Variants in VPS37C observed in about 807,000 individuals in gnomAD.
VPS37C encodes VPS37C subunit of ESCRT-I.
Under a neutral mutation model 16.1 loss-of-function variants are expected in VPS37C, and 9 were observed. The observed-to-expected ratio is 0.56, with a 90% CI of 0.34 to 0.97. VPS37C has a LOEUF of 0.97. Ranked by LOEUF, VPS37C falls within the 50% of genes least tolerant of loss-of-function variation. The pLI, the probability that VPS37C is intolerant of heterozygous loss-of-function variation, is 0.02. For missense variants in VPS37C, 479 were observed against 472.7 expected, an observed-to-expected ratio of 1.01 and a Z score of -0.12; for synonymous variants, 207 against 206.4, an observed-to-expected ratio of 1.00 and a Z score of -0.02.
chr11:61,144,088 G>A (rs936147616), intron 1 of VPS37C: 1 of 151,168 alleles, frequency 6.6e-6, no homozygotes, highest in African/African-American at 2.4e-5. Flanking sequence ...TCCTGCCTCA[G>A]CCTCCCGAGT....
At chr11:61,138,085 C>A (rs947123853) in intron 2 of VPS37C, 6 of 152,328 alleles carry the variant, frequency 3.9e-5, no homozygotes, top group African/African-American at 1.4e-4. Context: ...GTATAGGAAG[C>A]GGGAGCTTCC....
At position 61,132,246 on chromosome 11, in the gene VPS37C, A is replaced by G. The variant is rs571198809; in HGVS notation, c.642T>C (p.Pro214=). 4.6e-6 allele frequency: 7 copies of G among 1,521,534 alleles called. No individual in the cohort carries two copies. The African/African-American group carries it at 8.3e-5, about 18-fold the overall frequency. 94.3% of individuals were successfully genotyped at this position (1,521,534 alleles called of 1,614,324 possible). Residue 214 remains proline, a synonymous_variant, in exon 5 of 5, where the codon CCT becomes CCC. Transcript: ENST00000301765. ...GGGCTCCATGGGCAGTGGGGCCCACAGGCAGGCTGGGGGATGGGCTGTAGG... is the reference window on the plus strand; with the variant it reads ...GGGCTCCATGGGCAGTGGGGCCCACGGGCAGGCTGGGGGATGGGCTGTAGG... ...PLPYSPSPSL[P]VGPTAHGALP... is the part of the protein sequence containing the mutation.
intron 1 of VPS37C, chr11:61,144,580 C>G (rs1433014054): frequency 6.6e-6 from 1 of 152,244 alleles, no homozygotes; most frequent in Admixed American, 6.5e-5. Context: ...GTGCACAAGA[C>G]AGGGGTCTTC....
At chr11:61,138,478 G>C in intron 2 of VPS37C, 1 of 454,396 alleles carries the variant, frequency 2.2e-6, no homozygotes, top group Non-Finnish European at 4.0e-6. Flanking sequence ...ATTTGGGCTG[G>C]AACGACAGTG....
At chr11:61,138,619 C>T in intron 2 of VPS37C, 118 bp downstream of exon 2, 1 of 888,664 alleles carries the variant, frequency 1.1e-6, no homozygotes, top group Non-Finnish European at 1.8e-6. Context: ...GGATGAAGTT[C>T]ACAGAAAAGG....
chr11:61,133,120 A>G (rs940413557), intron 4 of VPS37C, 135 bp downstream of exon 4: 10 of 957,038 alleles, frequency 1.0e-5, no homozygotes, highest in Non-Finnish European at 1.6e-5. Flanking sequence ...AGGACTAAAG[A>G]TGTCCTTCAC....
chr11:61,141,237 A>T (rs567042141), intron 1 of VPS37C, among the ~76,000 whole-genome samples: 91 of 152,130 alleles, frequency 6.0e-4, no homozygotes, highest in African/African-American at 2.1e-3. Context: ...GCGTGGTGGC[A>T]CACACTTGTA....
At chr11:61,149,704 G>A (rs574227727) in intron 1 of VPS37C, among the ~76,000 whole-genome samples, 1 of 152,168 alleles carries the variant, frequency 6.6e-6, no homozygotes, top group Non-Finnish European at 1.5e-5. Flanking sequence ...TACATAGGGG[G>A]AATGTACAAT....
chr11:61,146,042 AC>A (rs1365128394), intron 1 of VPS37C, among the ~76,000 whole-genome samples: 1 of 152,232 alleles, frequency 6.6e-6, no homozygotes, highest in African/African-American at 2.4e-5. Context: ...ATCTTCGTCA[AC>A]CCAAGCCCAG....
intron 1 of VPS37C, among the ~76,000 whole-genome samples, chr11:61,140,255 T>C (rs624374): frequency 0.57 from 86,790 of 151,814 alleles, 25,659 homozygotes; most frequent in East Asian, 0.99. Context: ...CAGGTCTCAG[T>C]TTCCCCATTT....
intron 2 of VPS37C, 92 bp from the exon 3 acceptor site, chr11:61,134,299 C>T: frequency 2.8e-6 from 4 of 1,414,802 alleles, no homozygotes; most frequent in Non-Finnish European, 3.8e-6. Flanking sequence ...ACACATTGCT[C>T]ACCTTGGGGC....
At chr11:61,134,926 C>T (rs1861338959) in intron 2 of VPS37C, among the ~76,000 whole-genome samples, 1 of 152,232 alleles carries the variant, frequency 6.6e-6, no homozygotes, top group African/African-American at 2.4e-5. Context: ...GGCACCCTTG[C>T]CAGCTGTTGT....
At chr11:61,147,052 T>C (rs1427775557) in intron 1 of VPS37C, among the ~76,000 whole-genome samples, 2 of 152,150 alleles carry the variant, frequency 1.3e-5, no homozygotes, top group African/African-American at 2.4e-5. Flanking sequence ...ATTTTTAAAT[T>C]TCAACTCAAA....
At position 61,131,371 on chromosome 11, in the gene VPS37C, G is replaced by A. The variant is rs1251498421; in HGVS notation, c.*449C>T. The A allele has an allele frequency of 1.3e-5, 2 of 158,800 alleles. No homozygotes were observed. Among genetic ancestry groups the A allele is most frequent in the African/African-American group, 4.8e-5 (2 of 41,730 alleles). The allele number at this position is 158,800 out of a possible 1,614,324, so 9.8% of individuals were successfully genotyped here. On this transcript the variant is annotated 3_prime_UTR_variant, in exon 5 of 5. Transcript: ENST00000301765. ...TGAATGGACTGGACAGACACCAACA[G>A]CTGCATCCCTTGGCATGGGGCTCCA...
intron 2 of VPS37C, among the ~76,000 whole-genome samples, chr11:61,137,845 C>T (rs1221133892): frequency 4.6e-5 from 7 of 152,118 alleles, no homozygotes; most frequent in Admixed American, 4.6e-4. Context: ...GAGCAGGCAG[C>T]AGGCAGCAAG....
At chr11:61,159,015 G>T (rs1467586732) in intron 1 of VPS37C, among the ~76,000 whole-genome samples, 2 of 152,274 alleles carry the variant, frequency 1.3e-5, no homozygotes, top group East Asian at 3.9e-4. Context: ...ACACAACAGA[G>T]ATCCAGCTGG....
Position 61,131,637 on chromosome 11 carries a change from G to T in VPS37C, c.*183C>A. 1.1e-6 allele frequency: 1 copy of T among 869,880 alleles called. No individual in the cohort carries two copies. Among genetic ancestry groups the T allele is most frequent in the Non-Finnish European group, 1.5e-6 (1 of 657,956 alleles). The allele number at this position is 869,880 out of a possible 1,614,324, so 53.9% of individuals were successfully genotyped here. The stretch of plus-strand genomic sequence containing the variant: ...TTCCAGGAGGACCTCTGGCCAGAAG[G>T]CCAGCAAGTGCCATGACCAGTCACA... On this transcript the variant is annotated 3_prime_UTR_variant, in exon 5 of 5. Coordinates refer to ENST00000301765, the MANE Select transcript of VPS37C (RefSeq NM_017966.5).
rs1307570431 is a variant in VPS37C, at chr11:61,131,791, T to C, written c.*29A>G. On this transcript the variant is annotated 3_prime_UTR_variant, in exon 5 of 5. Coordinates refer to ENST00000301765, the MANE Select transcript of VPS37C (RefSeq NM_017966.5). ...GCCAAAGGTTGAGCGTGGGTGGGAC[T>C]AGGGAGGGGCCGAGGGCCAGGAGTG... The C allele has an allele frequency of 3.2e-6, 4 of 1,245,100 alleles. No homozygotes were observed. Among genetic ancestry groups the C allele is most frequent in the Non-Finnish European group, 4.0e-6 (4 of 992,800 alleles). The allele number at this position is 1,245,100 out of a possible 1,614,324, so 77.1% of individuals were successfully genotyped here.
Position 61,134,173 on chromosome 11 carries a change from A to C in VPS37C, c.128T>G (p.Leu43Arg). Residue 43 changes from leucine to arginine, a missense_variant, in exon 3 of 5, where the codon CTG (leucine) becomes CGG (arginine). By Grantham distance (102) the Leu-to-Arg change is moderately radical. Coordinates refer to ENST00000301765, the MANE Select transcript of VPS37C (RefSeq NM_017966.5). ...QDLQLEREMA[L>R]ATNRSLAERN... is the part of the protein sequence containing the mutation. ...CTCTGCCAGGCTCCGGTTGGTGGCCAGTGCCATCTCCCGTTCCAGCTGTAG... is the reference window on the plus strand; with the variant it reads ...CTCTGCCAGGCTCCGGTTGGTGGCCCGTGCCATCTCCCGTTCCAGCTGTAG... The C allele has an allele frequency of 6.2e-7, 1 of 1,614,016 alleles. No individual in the cohort carries two copies. Among genetic ancestry groups the C allele is most frequent in the Non-Finnish European group, 8.5e-7 (1 of 1,179,934 alleles).
Sources: allele counts gnomAD v4.1 joint callset (sites outside exome capture counted in the v4.1 genomes callset), GRCh38; gene constraint gnomAD v4.1.1; transcripts MANE v1.5; gene names NCBI Gene and HGNC (gene_info 2026-07-23, HGNC 2026-07-21).